The following ADAM12 variants were observed in gnomAD, a reference collection of about 807,000 sequenced individuals.
The protein encoded by ADAM12 is ADAM metallopeptidase domain 12.
Under a neutral mutation model 106.4 loss-of-function variants are expected in ADAM12, and 70 were observed. That is an observed-to-expected ratio of 0.66 (90% CI 0.54 to 0.80). The LOEUF is 0.80. Among genes scored for constraint, ADAM12 ranks in the 30% least tolerant of loss-of-function variants. ADAM12 has a pLI of 0.00. For synonymous variants in ADAM12, 420 were observed against 433.5 expected (o/e 0.97, Z 0.39); for missense variants, 1,010 against 1,171.9 (o/e 0.86, Z 2.02).
In ADAM12 at chr10:126,309,116, C is replaced by T. The variant is rs1159733425; in HGVS notation, c.186+21296G>A. Among the ~76,000 whole-genome samples the T allele has an allele frequency of 3.3e-5, 5 of 151,700 alleles. No individual in the cohort carries two copies. In the East Asian group the frequency reaches 7.8e-4, roughly 24 times the overall value. ...GCCAAGAGTGGACACATGGCCCAGG[C>T]TTGGCCAATCACCGTATTCTACACC... On this transcript the variant is annotated intron_variant, in intron 2 of 22. Coordinates refer to ENST00000448723, the MANE Select transcript of ADAM12 (RefSeq NM_001288973.2).
In ADAM12 at chr10:126,313,461, G is replaced by A. The variant is rs78355038; in HGVS notation, c.186+16951C>T. Among the ~76,000 whole-genome samples, 144 of 152,300 alleles carry A rather than the reference G, an allele frequency of 9.5e-4. 1 individual carries two copies. In the East Asian group the frequency reaches 0.023, roughly 24 times the overall value. On this transcript the variant is annotated intron_variant, in intron 2 of 22. Transcript: ENST00000448723. ...ATTTAACTTTGAAAATGCAAAGTAT[G>A]GGGTCAAAGTCTCCCACCTGGGAAA...
intron 13 of ADAM12, 35 bp from the exon 14 acceptor site, chr10:126,065,036 CG>C: frequency 6.4e-7 from 1 of 1,574,550 alleles, no homozygotes; most frequent in Non-Finnish European, 8.6e-7. Context: ...CACATGCACC[CG>C]GGGAAAGGGA....
chr10:126,149,709 C>T (rs372006892), intron 4 of ADAM12, among the ~76,000 whole-genome samples: 28 of 152,296 alleles, frequency 1.8e-4, no homozygotes, highest in African/African-American at 4.1e-4. Flanking sequence ...CCTTGAACAT[C>T]GGACTTCAAG....
At chr10:126,387,429 A>AGGGAGAATTCCGCTG in intron 1 of ADAM12, among the ~76,000 whole-genome samples, 1 of 88,868 alleles carries the variant, frequency 1.1e-5, no homozygotes, top group Non-Finnish European at 2.9e-5. Flanking sequence ...GAATTCCGCT[A>AGGGAGAATTCCGCTG]AAGTTTGCCT....
chr10:126,372,118 T>C (rs148750767), intron 1 of ADAM12, among the ~76,000 whole-genome samples: 14 of 152,286 alleles, frequency 9.2e-5, no homozygotes, highest in African/African-American at 3.4e-4. Context: ...AGAAACTGCC[T>C]TCCTCTCCCA....
chr10:126,199,943 C>T (rs902508541), intron 3 of ADAM12, among the ~76,000 whole-genome samples: 1 of 152,128 alleles, frequency 6.6e-6, no homozygotes, highest in Admixed American at 6.5e-5. Context: ...AGCCCACTGG[C>T]ACAAAATACA....
intron 9 of ADAM12, among the ~76,000 whole-genome samples, chr10:126,100,539 T>TAA (rs746416839): frequency 2.7e-4 from 33 of 123,440 alleles, no homozygotes; most frequent in African/African-American, 6.4e-4. Flanking sequence ...CTGTCTCTAC[T>TAA]AAAAAAAAAA....
chr10:126,093,792 A>G (rs1467613610), intron 11 of ADAM12, among the ~76,000 whole-genome samples, 193 bp downstream of exon 11: 1 of 152,256 alleles, frequency 6.6e-6, no homozygotes, highest in Non-Finnish European at 1.5e-5. Context: ...CACACCATGT[A>G]GCATTGCCAT....
intron 3 of ADAM12, among the ~76,000 whole-genome samples, chr10:126,159,908 AGCACTGTGTTAT>A (rs540316876): frequency 0.15 from 23,268 of 152,160 alleles, 1,948 homozygotes; most frequent in Non-Finnish European, 0.19. Flanking sequence ...AGAGTTCTTA[AGCACTGTGTTAT>A]GTCTTCTCTT....
At chr10:126,060,007 G>A (rs1435240037) in intron 14 of ADAM12, among the ~76,000 whole-genome samples, 1 of 152,166 alleles carries the variant, frequency 6.6e-6, no homozygotes, top group South Asian at 2.1e-4. Context: ...AATAACATTT[G>A]TATGTTTGAA....
chr10:126,221,979 C>G lies in ADAM12; in HGVS notation c.260+56936G>C, dbSNP rs191917723. Reference sequence around the variant, plus strand: ...TTAGGTCACAAGAAGTCATCTTGTTCTAGACCACCCACTGGCTGTCCATCA... The same window carrying G: ...TTAGGTCACAAGAAGTCATCTTGTTGTAGACCACCCACTGGCTGTCCATCA... On this transcript the variant is annotated intron_variant, in intron 3 of 22. Coordinates refer to ENST00000448723, the MANE Select transcript of ADAM12 (RefSeq NM_001288973.2). 2.7e-3 allele frequency among the ~76,000 whole-genome samples: 414 copies of G among 152,318 alleles called. 3 individuals are homozygous for G. The highest frequency in any genetic ancestry group is 9.6e-3 in the African/African-American group (397 of 41,560).
chr10:126,325,464 A>T (rs1335127720), intron 2 of ADAM12, among the ~76,000 whole-genome samples: 1 of 152,238 alleles, frequency 6.6e-6, no homozygotes, highest in Admixed American at 6.5e-5. Flanking sequence ...CTGTAAAAAA[A>T]GGCAAATGGA....
intron 12 of ADAM12, among the ~76,000 whole-genome samples, chr10:126,068,565 A>G (rs542048818): frequency 6.6e-6 from 1 of 152,316 alleles, no homozygotes; most frequent in South Asian, 2.1e-4. Context: ...TGCTTTCCCA[A>G]TCCTGTTAGC....
intron 10 of ADAM12, among the ~76,000 whole-genome samples, chr10:126,095,740 CAG>C (rs1955547103): frequency 6.6e-6 from 1 of 152,052 alleles, no homozygotes; most frequent in South Asian, 2.1e-4. Flanking sequence ...TGGGACTCTT[CAG>C]AGAGTCCTCA....
chr10:126,251,469 G>A (rs1255333234), intron 3 of ADAM12, among the ~76,000 whole-genome samples: 2 of 25,144 alleles, frequency 8.0e-5, no homozygotes, highest in Admixed American at 3.9e-4. Flanking sequence ...TGGATGGGAT[G>A]GATGGGATGG....
At chr10:126,090,540 T>TCCC (rs1376728171) in intron 11 of ADAM12, among the ~76,000 whole-genome samples, 1 of 152,170 alleles carries the variant, frequency 6.6e-6, no homozygotes, top group African/African-American at 2.4e-5. Flanking sequence ...TGAGTTAAAC[T>TCCC]CCCACATGAA....
intron 3 of ADAM12, among the ~76,000 whole-genome samples, chr10:126,177,154 C>T (rs1337730965): frequency 6.6e-6 from 1 of 151,622 alleles, no homozygotes; most frequent in Non-Finnish European, 1.5e-5. Context: ...CTTATTAGAG[C>T]CTTTTATGAA....
intron 3 of ADAM12, among the ~76,000 whole-genome samples, chr10:126,188,703 C>T (rs17154451): frequency 0.018 from 2,695 of 152,188 alleles, 73 homozygotes; most frequent in East Asian, 0.098. Flanking sequence ...CTCATCTTAC[C>T]TTTGGGAATC....
chr10:126,171,682 T>A (rs1957123648), intron 3 of ADAM12, among the ~76,000 whole-genome samples: 1 of 152,198 alleles, frequency 6.6e-6, no homozygotes, highest in Non-Finnish European at 1.5e-5. Flanking sequence ...CTGGATGGGC[T>A]TTGGCCAGAA....
Sources: gnomAD v4.1 joint callset for allele counts (sites outside exome capture counted in the v4.1 genomes callset) on GRCh38, gnomAD v4.1.1 for gene constraint, MANE v1.5 for transcripts, NCBI Gene and HGNC (gene_info 2026-07-23, HGNC 2026-07-21) for gene names.